Variants in PIWIL1 observed in about 807,000 individuals in gnomAD.
PIWIL1 encodes piwi-like protein 1.
A neutral mutation model predicts 114.4 loss-of-function variants in PIWIL1; 73 were observed. That is an observed-to-expected ratio of 0.64 (90% CI 0.53 to 0.78). The LOEUF is 0.78. Ranked by LOEUF, PIWIL1 falls within the 30% of genes least tolerant of loss-of-function variation. The pLI, the probability that PIWIL1 is intolerant of heterozygous loss-of-function variation, is 0.00. For missense variants in PIWIL1, 723 were observed against 1,063.1 expected (o/e 0.68, Z 4.45); for synonymous variants, 375 against 369.0 (o/e 1.02, Z -0.19).
At chr12:130,397,686 C>A in the PIWIL1 span, 1 of 394,006 alleles carries the variant, frequency 2.5e-6, no homozygotes. Context: ...TTGAAGTATG[C>A]CATGAGAAGC....
the PIWIL1 span, among the ~76,000 whole-genome samples, chr12:130,402,575 C>T: frequency 6.6e-6 from 1 of 152,188 alleles, no homozygotes; most frequent in Non-Finnish European, 1.5e-5. Context: ...TTCACCTTGA[C>T]CTTTCCCTCC....
At chr12:130,412,848 T>G in the PIWIL1 span, 5 of 1,469,810 alleles carry the variant, frequency 3.4e-6, no homozygotes, top group Non-Finnish European at 3.7e-6. Context: ...AATACAATAG[T>G]CCCACTGACG....
At chr12:130,375,493 C>T (rs184271904), downstream of PIWIL1, among the ~76,000 whole-genome samples, 32 of 152,324 alleles carry the variant, frequency 2.1e-4, no homozygotes, top group Middle Eastern at 3.4e-3. Context: ...CCACCTGAAC[C>T]GCGTTTGCTC....
intron 7 of PIWIL1, among the ~76,000 whole-genome samples, chr12:130,348,717 A>C (rs1176763078): frequency 6.6e-6 from 1 of 152,166 alleles, no homozygotes; most frequent in Admixed American, 6.5e-5. Flanking sequence ...CCTGGCCAAG[A>C]TGATGAAACC....
chr12:130,345,455 G>C (rs2073045216), intron 3 of PIWIL1: 1 of 260,186 alleles, frequency 3.8e-6, no homozygotes, highest in African/African-American at 2.2e-5. Flanking sequence ...ATATGCTCCT[G>C]CACTCTTGCA....
the PIWIL1 span, among the ~76,000 whole-genome samples, chr12:130,417,855 G>GA: frequency 7.0e-6 from 1 of 143,854 alleles, no homozygotes; most frequent in African/African-American, 2.6e-5. Flanking sequence ...TATATGTATG[G>GA]AGAGAGAATG....
chr12:130,351,292 G>A (rs1195515626), intron 9 of PIWIL1: 2 of 152,170 alleles, frequency 1.3e-5, no homozygotes, highest in African/African-American at 4.8e-5. Context: ...TCATCCTCCT[G>A]TAAGTGGTGT....
At chr12:130,367,622 T>C (rs530417210) in intron 19 of PIWIL1, among the ~76,000 whole-genome samples, 14 of 152,360 alleles carry the variant, frequency 9.2e-5, no homozygotes, top group South Asian at 6.2e-4. Context: ...CACTTAGTTG[T>C]CTAAAGGTCA....
At chr12:130,340,278 G>T (rs1476236664) in intron 1 of PIWIL1, among the ~76,000 whole-genome samples, 1 of 152,104 alleles carries the variant, frequency 6.6e-6, no homozygotes, top group Non-Finnish European at 1.5e-5. Context: ...GTTTGCTGGA[G>T]TCTCAAGCGG....
intron 2 of PIWIL1, 41 bp from the exon 3 acceptor site, chr12:130,342,949 G>A (rs748044253): frequency 1.1e-5 from 16 of 1,466,916 alleles, no homozygotes; most frequent in East Asian, 9.1e-5. Context: ...GTGTCTGACC[G>A]CTTGACGAAA....
the PIWIL1 span, among the ~76,000 whole-genome samples, chr12:130,415,979 A>AC: frequency 0.32 from 48,543 of 151,676 alleles, 8,143 homozygotes; most frequent in African/African-American, 0.44. Flanking sequence ...ACACACACAC[A>AC]AAATATACAG....
At chr12:130,412,613 G>A in the PIWIL1 span, 19 of 1,612,962 alleles carry the variant, frequency 1.2e-5, no homozygotes, top group South Asian at 5.5e-5. Context: ...AGGGGTTTGC[G>A]CTTACCTATT....
chr12:130,382,376 A>G, the PIWIL1 span, among the ~76,000 whole-genome samples: 2 of 152,148 alleles, frequency 1.3e-5, no homozygotes, highest in East Asian at 3.9e-4. Context: ...TGAACCACTG[A>G]GTTCTCCTCA....
At chr12:130,359,739 A>C (rs1226475375) in intron 14 of PIWIL1, among the ~76,000 whole-genome samples, 1 of 152,152 alleles carries the variant, frequency 6.6e-6, no homozygotes, top group Non-Finnish European at 1.5e-5. Context: ...TGCTTTTTAT[A>C]CCTGTAGCAT....
At chr12:130,349,554 A>T (rs1174698760) in intron 8 of PIWIL1, 118 bp downstream of exon 8, 3 of 704,832 alleles carry the variant, frequency 4.3e-6, no homozygotes, top group Non-Finnish European at 7.1e-6. Flanking sequence ...AGCACAAAAC[A>T]AGGGTGAGGG....
the PIWIL1 span, among the ~76,000 whole-genome samples, chr12:130,381,239 G>T: frequency 1.3e-5 from 2 of 152,176 alleles, no homozygotes; most frequent in Non-Finnish European, 2.9e-5. Flanking sequence ...CTGTGGATTT[G>T]GACGGATGTA....
At chr12:130,382,121 A>G in the PIWIL1 span, among the ~76,000 whole-genome samples, 1 of 152,214 alleles carries the variant, frequency 6.6e-6, no homozygotes, top group East Asian at 1.9e-4. Flanking sequence ...GCACTTAGTT[A>G]TGGGAGCAAT....
rs367617339 is a variant in PIWIL1 at position 130,363,148 on chromosome 12, A to G, written c.2195+4A>G. ...AATCCATTGGTAGAGGTTACAAGTA[A>G]GCATGCAAATTGTAAAGCATTTTCT... is the stretch of plus-strand genomic sequence containing the variant. On this transcript the variant is annotated splice_donor_region_variant and intron_variant, in intron 18 of 20. Transcript: ENST00000245255. 1 of 1,611,756 alleles carries G rather than the reference A, an allele frequency of 6.2e-7. No homozygotes were observed. The highest frequency in any genetic ancestry group is 1.3e-5 in the African/African-American group (1 of 74,900).
the PIWIL1 span, among the ~76,000 whole-genome samples, chr12:130,403,052 T>C: frequency 2.0e-5 from 3 of 152,120 alleles, no homozygotes; most frequent in Admixed American, 6.5e-5. Flanking sequence ...TTTACTGATA[T>C]GGGATATAGC....
Sources: allele counts gnomAD v4.1 joint callset (sites outside exome capture counted in the v4.1 genomes callset), GRCh38; gene constraint gnomAD v4.1.1; transcripts MANE v1.5; gene names NCBI Gene and HGNC (gene_info 2026-07-23, HGNC 2026-07-21).